The following CSMD1 variants were observed in gnomAD, a reference collection of about 807,000 sequenced individuals.
CSMD1 encodes the protein CUB and Sushi multiple domains 1, also known as CUB and sushi domain-containing protein 1.
A neutral mutation model predicts 417.5 loss-of-function variants in CSMD1; 213 were observed. That is an observed-to-expected ratio of 0.51 (90% CI 0.46 to 0.57). The LOEUF (loss-of-function observed/expected upper bound fraction) is 0.57, where lower values mean the gene tolerates loss of function less well. CSMD1 is among the 20% of genes least tolerant of loss of function. The pLI, the probability that CSMD1 is intolerant of heterozygous loss-of-function variation, is 0.00. For missense variants in CSMD1, 6,923 were observed against 4,529.7 expected, an observed-to-expected ratio of 1.53 and a Z score of -15.17; for synonymous variants, 2,862 against 1,736.8, an observed-to-expected ratio of 1.65 and a Z score of -16.11.
intron 18 of CSMD1, among the ~76,000 whole-genome samples, chr8:3,373,154 A>G (rs1246602334): frequency 1.3e-5 from 2 of 152,340 alleles, no homozygotes; most frequent in Admixed American, 1.3e-4. Context: ...TTCATATCCA[A>G]CTATGTTTAA....
At chr8:3,267,691 A>G (rs1033651334) in intron 26 of CSMD1, among the ~76,000 whole-genome samples, 3 of 152,234 alleles carry the variant, frequency 2.0e-5, no homozygotes, top group African/African-American at 4.8e-5. Flanking sequence ...AAGCAGCAGT[A>G]TAGAGTAACG....
At chr8:3,566,537 CT>C (rs34666368) in intron 10 of CSMD1, among the ~76,000 whole-genome samples, 67,135 of 151,354 alleles carry the variant, frequency 0.44, 15,596 homozygotes, top group Admixed American at 0.52. Context: ...CCTCACCTCC[CT>C]TTGTCCATAG....
In CSMD1 at chr8:3,998,077, G is replaced by C. The variant is rs532126769; in HGVS notation, c.644C>G (p.Thr215Ser). The C allele has an allele frequency of 6.3e-7, 1 of 1,586,570 alleles. No homozygotes were observed. Among genetic ancestry groups the C allele is most frequent in the South Asian group, 1.1e-5 (1 of 87,174 alleles). Residue 215 changes from threonine to serine, a missense_variant, in exon 5 of 70, where the codon ACC (threonine) becomes AGC (serine). Thr to Ser is a moderately conservative substitution (Grantham distance 58). Transcript: ENST00000635120. Reference sequence around the variant, plus strand: ...GTGCGGGCTGGAGATGGAGCTGCTGGTCCCGCGTAAGGTTCCTCCGCAGGC... The same window carrying C: ...GTGCGGGCTGGAGATGGAGCTGCTGCTCCCGCGTAAGGTTCCTCCGCAGGC... ...EGACGGTLRGTSSSISSPHFP... is the reference protein window; with the variant it reads ...EGACGGTLRGSSSSISSPHFP...
chr8:4,843,075 A>C (rs1800932426), intron 1 of CSMD1, among the ~76,000 whole-genome samples: 1 of 152,196 alleles, frequency 6.6e-6, no homozygotes, highest in Non-Finnish European at 1.5e-5. Context: ...TCTTAAAGCT[A>C]AATATAACCA....
intron 12 of CSMD1, among the ~76,000 whole-genome samples, chr8:3,458,503 G>A (rs944078650): frequency 1.2e-4 from 18 of 152,082 alleles, no homozygotes; most frequent in African/African-American, 2.9e-4. Context: ...ACAAAAAAGG[G>A]TGATGACTGG....
At chr8:3,264,633 GTTTC>G (rs1431082243) in intron 26 of CSMD1, among the ~76,000 whole-genome samples, 1 of 152,152 alleles carries the variant, frequency 6.6e-6, no homozygotes, top group Admixed American at 6.5e-5. Context: ...CTGCTTTTGT[GTTTC>G]TTTCTTCTAA....
At chr8:3,328,689 T>G (rs903651472) in intron 23 of CSMD1, among the ~76,000 whole-genome samples, 3 of 152,142 alleles carry the variant, frequency 2.0e-5, no homozygotes, top group African/African-American at 7.2e-5. Context: ...ACAAAATACG[T>G]TGGCAGAGGA....
At chr8:4,155,668 G>C (rs1046556098) in intron 3 of CSMD1, among the ~76,000 whole-genome samples, 4 of 152,116 alleles carry the variant, frequency 2.6e-5, no homozygotes, top group Non-Finnish European at 5.9e-5. Context: ...AAAGAAACGT[G>C]ACAGATTTTA....
intron 1 of CSMD1, among the ~76,000 whole-genome samples, chr8:4,929,257 C>T (rs766573738): frequency 6.6e-6 from 1 of 152,224 alleles, no homozygotes; most frequent in South Asian, 2.1e-4. Context: ...GCAGAGAAAC[C>T]AAACCTGCAG....
rs1811665976 is a variant in CSMD1, at chr8:4,994,723, G to A, written c.-307C>T. 8.7e-6 allele frequency: 3 copies of A among 344,870 alleles called. No individual in the cohort carries two copies. Among genetic ancestry groups the A allele is most frequent in the Non-Finnish European group, 1.6e-5 (3 of 189,538 alleles). The allele number at this position is 344,870 out of a possible 1,614,324, so 21.4% of individuals were successfully genotyped here. On this transcript the variant is annotated 5_prime_UTR_variant, in exon 1 of 70. Transcript: ENST00000635120. Reference sequence around the variant, plus strand: ...AAGGCACCAAGGCGGCGAGGCTGCGGGAGGGGGAGAAGCGGGGAGAGGAGC... The same window carrying A: ...AAGGCACCAAGGCGGCGAGGCTGCGAGAGGGGGAGAAGCGGGGAGAGGAGC...
At chr8:4,792,585 C>G (rs1008004660) in intron 1 of CSMD1, among the ~76,000 whole-genome samples, 13 of 152,288 alleles carry the variant, frequency 8.5e-5, no homozygotes, top group African/African-American at 2.9e-4. Flanking sequence ...CACGTCCATG[C>G]AAGAAACTGT....
rs556861409 is a variant in CSMD1 at position 4,192,458 on chromosome 8, G to C, written c.416-160359C>G. On this transcript the variant is annotated intron_variant, in intron 3 of 69. Coordinates refer to ENST00000635120, the MANE Select transcript of CSMD1 (RefSeq NM_033225.6). ...TACCTTCCTCTGTGTGGCTCTCCGTGAATCTCGGTAGCACTGATGTTGACC... is the reference window on the plus strand; with the variant it reads ...TACCTTCCTCTGTGTGGCTCTCCGTCAATCTCGGTAGCACTGATGTTGACC... 2.0e-5 allele frequency among the ~76,000 whole-genome samples: 3 copies of C among 152,230 alleles called. No individual in the cohort carries two copies. In the East Asian group the frequency reaches 5.8e-4, roughly 29 times the overall value.
rs560322276 is a variant in CSMD1 at position 3,826,872 on chromosome 8, G to A, written c.819-72830C>T. 3.3e-5 allele frequency among the ~76,000 whole-genome samples: 5 copies of A among 151,926 alleles called. No individual in the cohort carries two copies. The South Asian group carries it at 8.3e-4, about 25-fold the overall frequency. ...TGTGATCATAGCTCACTGCAGCATCGGCCTCCTGAGTTCAACCCATTCTCC... is the reference window on the plus strand; with the variant it reads ...TGTGATCATAGCTCACTGCAGCATCAGCCTCCTGAGTTCAACCCATTCTCC... On this transcript the variant is annotated intron_variant, in intron 5 of 69. Coordinates refer to ENST00000635120, the MANE Select transcript of CSMD1 (RefSeq NM_033225.6).
intron 3 of CSMD1, among the ~76,000 whole-genome samples, chr8:4,041,848 G>T (rs1330447209): frequency 6.6e-6 from 1 of 152,052 alleles, no homozygotes; most frequent in Non-Finnish European, 1.5e-5. Context: ...AACATCTAGA[G>T]TTAAAACCAT....
chr8:3,079,835 G>C (rs755371462), intron 49 of CSMD1, among the ~76,000 whole-genome samples: 2 of 151,782 alleles, frequency 1.3e-5, no homozygotes, highest in African/African-American at 2.4e-5. Flanking sequence ...AACATCATCT[G>C]TGAGCAACAG....
intron 5 of CSMD1, among the ~76,000 whole-genome samples, chr8:3,963,703 G>A (rs75726408): frequency 0.017 from 2,564 of 152,194 alleles, 60 homozygotes; most frequent in African/African-American, 0.057. Flanking sequence ...AGATTTCATC[G>A]TAGACAAACT....
intron 9 of CSMD1, among the ~76,000 whole-genome samples, chr8:3,580,987 C>G (rs1257328752): frequency 6.6e-6 from 1 of 152,294 alleles, no homozygotes; most frequent in African/African-American, 2.4e-5. Flanking sequence ...CCTGACTCTG[C>G]CTGGCTCCAA....
chr8:4,273,007 T>G (rs1804699650), intron 3 of CSMD1, among the ~76,000 whole-genome samples: 2 of 152,204 alleles, frequency 1.3e-5, no homozygotes, highest in South Asian at 2.1e-4. Context: ...TATTGCGTCA[T>G]GTACCTGACA....
intron 5 of CSMD1, among the ~76,000 whole-genome samples, chr8:3,851,487 C>T (rs1358847703): frequency 6.6e-6 from 1 of 152,110 alleles, no homozygotes; most frequent in African/African-American, 2.4e-5. Context: ...AAAAGAAAGA[C>T]CTAGTGTCTT....
Sources: gnomAD v4.1 joint callset for allele counts (sites outside exome capture counted in the v4.1 genomes callset) on GRCh38, gnomAD v4.1.1 for gene constraint, MANE v1.5 for transcripts, NCBI Gene and HGNC (gene_info 2026-07-23, HGNC 2026-07-21) for gene names.